The following KIAA0825 variants were observed in gnomAD, a reference collection of about 807,000 sequenced individuals.
KIAA0825 encodes KIAA0825, also known as uncharacterized protein KIAA0825.
A neutral mutation model predicts 147.6 loss-of-function variants in KIAA0825; 119 were observed. That is an observed-to-expected ratio of 0.81 (90% CI 0.69 to 0.94). The LOEUF is 0.94. Among genes scored for constraint, KIAA0825 ranks in the 40% least tolerant of loss-of-function variants. The pLI is 0.00. For missense variants in KIAA0825, 1,381 were observed against 1,472.7 expected, an observed-to-expected ratio of 0.94 and a Z score of 1.02; for synonymous variants, 470 against 518.1, an observed-to-expected ratio of 0.91 and a Z score of 1.26.
chr5:94,527,358 A>T (rs1457698375), intron 3 of KIAA0825, among the ~76,000 whole-genome samples: 2 of 152,064 alleles, frequency 1.3e-5, no homozygotes, highest in Non-Finnish European at 2.9e-5. Context: ...AGCTTATTAT[A>T]AAGTTCTTAT....
At chr5:94,323,661 A>G (rs1780416085) in intron 20 of KIAA0825, among the ~76,000 whole-genome samples, 1 of 151,962 alleles carries the variant, frequency 6.6e-6, no homozygotes, top group South Asian at 2.1e-4. Flanking sequence ...TTAATTTTAG[A>G]TTTCCAATCC....
intron 8 of KIAA0825, 105 bp from the exon 9 acceptor site, chr5:94,471,836 A>G (rs1761242731): frequency 1.0e-6 from 1 of 1,001,190 alleles, no homozygotes; most frequent in East Asian, 2.6e-5. Flanking sequence ...GGCATCAAAC[A>G]TAAATATAAT....
chr5:94,340,015 C>G (rs1455973968), intron 20 of KIAA0825, among the ~76,000 whole-genome samples: 3 of 152,056 alleles, frequency 2.0e-5, no homozygotes, highest in Admixed American at 6.6e-5. Flanking sequence ...TAGAAGTTTT[C>G]CCATGTGCAC....
At chr5:94,189,518 T>C (rs958375204) in intron 20 of KIAA0825, among the ~76,000 whole-genome samples, 2 of 152,172 alleles carry the variant, frequency 1.3e-5, no homozygotes, top group African/African-American at 2.4e-5. Flanking sequence ...GTATCACTTA[T>C]TGAAAAGACT....
intron 18 of KIAA0825, among the ~76,000 whole-genome samples, chr5:94,390,932 G>A (rs1380829489): frequency 6.6e-6 from 1 of 152,170 alleles, no homozygotes; most frequent in Non-Finnish European, 1.5e-5. Context: ...AGAGAACTTT[G>A]TTTCAAGTAA....
intron 2 of KIAA0825, among the ~76,000 whole-genome samples, chr5:94,550,914 C>T (rs1248424886): frequency 6.6e-6 from 1 of 150,676 alleles, no homozygotes; most frequent in Admixed American, 6.6e-5. Context: ...CATAAAATGC[C>T]AGAAAAAGTA....
At chr5:94,522,446 C>T (rs748353584) in intron 4 of KIAA0825, among the ~76,000 whole-genome samples, 3 of 151,582 alleles carry the variant, frequency 2.0e-5, no homozygotes, top group Non-Finnish European at 3.0e-5. Flanking sequence ...CCGTAAATAA[C>T]TGTAAATATT....
intron 20 of KIAA0825, among the ~76,000 whole-genome samples, chr5:94,184,674 AGAT>A (rs527238714): frequency 4.6e-4 from 70 of 152,346 alleles, no homozygotes; most frequent in Non-Finnish European, 9.8e-4. Context: ...ATTTTAAAGA[AGAT>A]TAAACTTATG....
In KIAA0825 at chr5:94,524,031, T is replaced by C. The variant is rs992023315; in HGVS notation, c.199A>G (p.Thr67Ala). Residue 67 changes from threonine (T) to alanine (A), a missense_variant, in exon 4 of 21, where the codon ACA becomes GCA. By Grantham distance (58) the Thr-to-Ala change is moderately conservative. Coordinates refer to ENST00000682413, the MANE Select transcript of KIAA0825 (RefSeq NM_001145678.3). ...AGCCATTCAAAGCAGTCAGTTGTTGTTTGCAGCTGCACACCTGGACATTGT... is the reference window on the plus strand; with the variant it reads ...AGCCATTCAAAGCAGTCAGTTGTTGCTTGCAGCTGCACACCTGGACATTGT... The part of the protein sequence containing the change: ...NKQCPGVQLQ[T>A]TTDCFEWLTN... 6.2e-7 allele frequency: 1 copy of C among 1,610,256 alleles called. No individual in the cohort carries two copies. Among genetic ancestry groups the C allele is most frequent in the Non-Finnish European group, 8.5e-7 (1 of 1,177,402 alleles).
chr5:94,538,300 T>C lies in KIAA0825; in HGVS notation c.-1-1173A>G, dbSNP rs558638401. Among the ~76,000 whole-genome samples, 21 of 152,244 alleles carry C rather than the reference T, an allele frequency of 1.4e-4. No individual in the cohort carries two copies. The South Asian group carries it at 4.4e-3, about 32-fold the overall frequency. On this transcript the variant is annotated intron_variant, in intron 2 of 20. Transcript: ENST00000682413. ...TTTTATTTAGGAATATCAGGGAAGG[T>C]CTCTGAGGAGGTGACATTTGAGAAG...
chr5:94,594,015 A>T, intron 1 of KIAA0825: 1 of 510,276 alleles, frequency 2.0e-6, no homozygotes, highest in South Asian at 1.5e-5. Flanking sequence ...ACTATGATCC[A>T]CCTCAAAGGG....
chr5:94,573,121 G>C (rs187936674), intron 2 of KIAA0825, among the ~76,000 whole-genome samples: 11 of 151,592 alleles, frequency 7.3e-5, no homozygotes, highest in African/African-American at 2.2e-4. Flanking sequence ...TCAAAGCTTG[G>C]GGGGGTTGGG....
chr5:94,534,106 A>G (rs1771489916), intron 3 of KIAA0825, among the ~76,000 whole-genome samples: 3 of 152,204 alleles, frequency 2.0e-5, no homozygotes, highest in Admixed American at 1.3e-4. Flanking sequence ...TTTTTCTTTT[A>G]AAACTATGGA....
chr5:94,210,979 TA>T (rs1772658257), intron 20 of KIAA0825, among the ~76,000 whole-genome samples: 2 of 152,162 alleles, frequency 1.3e-5, no homozygotes, highest in Non-Finnish European at 2.9e-5. Flanking sequence ...TCTCCAAAAC[TA>T]AGCAATTTTT....
chr5:94,379,791 T>C (rs1268443336), intron 20 of KIAA0825, among the ~76,000 whole-genome samples: 1 of 151,912 alleles, frequency 6.6e-6, no homozygotes, highest in African/African-American at 2.4e-5. Context: ...GTAATTCTTG[T>C]TGTAGAGATG....
chr5:94,391,792 G>T, intron 17 of KIAA0825, 98 bp from the exon 18 acceptor site: 2 of 1,034,424 alleles, frequency 1.9e-6, no homozygotes, highest in Non-Finnish European at 2.7e-6. Context: ...GTAAATCTCA[G>T]ATTCAAAGCA....
intron 12 of KIAA0825, among the ~76,000 whole-genome samples, chr5:94,453,853 A>C (rs1442726871): frequency 6.6e-6 from 1 of 152,054 alleles, no homozygotes; most frequent in Non-Finnish European, 1.5e-5. Flanking sequence ...TTGCTTCATT[A>C]ATGTAAAAAT....
intron 20 of KIAA0825, among the ~76,000 whole-genome samples, chr5:94,190,247 C>G (rs1770545959): frequency 6.6e-6 from 1 of 152,184 alleles, no homozygotes; most frequent in African/African-American, 2.4e-5. Context: ...TTCTCCCTTT[C>G]TTATTCGCAT....
intron 20 of KIAA0825, among the ~76,000 whole-genome samples, chr5:94,377,757 A>G (rs1356967625): frequency 6.6e-6 from 1 of 152,204 alleles, no homozygotes; most frequent in Non-Finnish European, 1.5e-5. Context: ...CACATATATC[A>G]TTAGTATATA....
Sources: gnomAD v4.1 joint callset for allele counts (sites outside exome capture counted in the v4.1 genomes callset) on GRCh38, gnomAD v4.1.1 for gene constraint, MANE v1.5 for transcripts, NCBI Gene and HGNC (gene_info 2026-07-23, HGNC 2026-07-21) for gene names.